CPXM2: variants seen among roughly 807,000 people sequenced by gnomAD.
CPXM2 encodes the protein inactive carboxypeptidase-like protein X2.
Under a neutral mutation model 86.1 loss-of-function variants are expected in CPXM2, and 66 were observed. That is an observed-to-expected ratio of 0.77 (90% CI 0.63 to 0.94). The LOEUF is 0.94. Among genes scored for constraint, CPXM2 ranks in the 40% least tolerant of loss-of-function variants. The pLI is 0.00. For missense variants in CPXM2, 948 were observed against 1,026.3 expected, an observed-to-expected ratio of 0.92 and a Z score of 1.04; for synonymous variants, 388 against 400.2, an observed-to-expected ratio of 0.97 and a Z score of 0.36.
chr10:123,878,506 C>CGTGT (rs200009107), intron 2 of CPXM2, among the ~76,000 whole-genome samples: 9,052 of 134,736 alleles, frequency 0.067, 525 homozygotes, highest in African/African-American at 0.15. Context: ...CAAATTCAGA[C>CGTGT]GTGTGTGTGT....
At chr10:123,818,115 AT>A (rs989124075) in intron 4 of CPXM2, among the ~76,000 whole-genome samples, 46 of 152,306 alleles carry the variant, frequency 3.0e-4, no homozygotes, top group African/African-American at 1.0e-3. Context: ...CTGTGAAGAT[AT>A]TTGTATCCTA....
chr10:123,912,067 C>T (rs563625500), intron 2 of CPXM2, among the ~76,000 whole-genome samples: 4 of 152,148 alleles, frequency 2.6e-5, no homozygotes, highest in Non-Finnish European at 5.9e-5. Flanking sequence ...CTAGACCTCT[C>T]GACTGGGGTT....
Position 123,861,141 on chromosome 10 carries a change from C to A in CPXM2, c.513+1473G>T, listed in dbSNP as rs572740887. Among the ~76,000 whole-genome samples the A allele has an allele frequency of 1.2e-4, 18 of 152,262 alleles. No homozygotes were observed. In the South Asian group the frequency reaches 3.7e-3, roughly 32 times the overall value. On this transcript the variant is annotated intron_variant, in intron 3 of 13. Coordinates refer to ENST00000241305, the MANE Select transcript of CPXM2 (RefSeq NM_198148.3). Reference sequence around the variant, plus strand: ...GCTGCCCCTAGCACATTTACACAGACCGCTGGGGGAGTCAGGGGTCCACTC... The same window carrying A: ...GCTGCCCCTAGCACATTTACACAGAACGCTGGGGGAGTCAGGGGTCCACTC...
intron 2 of CPXM2, among the ~76,000 whole-genome samples, chr10:123,926,318 T>G (rs1049023857): frequency 1.7e-4 from 26 of 152,266 alleles, no homozygotes; most frequent in African/African-American, 6.3e-4. Context: ...ATTTGGATAT[T>G]GCCTCCTCTG....
chr10:123,911,891 G>T (rs765932586), intron 2 of CPXM2, among the ~76,000 whole-genome samples: 1 of 152,060 alleles, frequency 6.6e-6, no homozygotes. Context: ...TGCCTCCTCC[G>T]AAGAAAGAAT....
At chr10:123,817,709 C>T (rs1054039829) in intron 4 of CPXM2, among the ~76,000 whole-genome samples, 3 of 152,228 alleles carry the variant, frequency 2.0e-5, no homozygotes. Context: ...TTCTCTCCCC[C>T]AGACTGCATC....
chr10:123,814,383 C>T (rs1227816475), intron 4 of CPXM2, among the ~76,000 whole-genome samples: 1 of 152,170 alleles, frequency 6.6e-6, no homozygotes, highest in African/African-American at 2.4e-5. Flanking sequence ...CCTCGAATAT[C>T]AGACTCCAAG....
intron 4 of CPXM2, among the ~76,000 whole-genome samples, chr10:123,836,090 C>A (rs1297413756): frequency 2.0e-5 from 3 of 152,140 alleles, no homozygotes; most frequent in Non-Finnish European, 1.5e-5. Flanking sequence ...CTCATCTCCT[C>A]TCCCGACCCT....
At position 123,786,458 on chromosome 10, in the gene CPXM2, G is replaced by T. The variant is rs148851443; in HGVS notation, c.890-6203C>A. Reference sequence around the variant, plus strand: ...AGCTCTGTGGCATCAGGCAGTTCAAGCAGACACTGACCCCATACCTGACGG... The same window carrying T: ...AGCTCTGTGGCATCAGGCAGTTCAATCAGACACTGACCCCATACCTGACGG... On this transcript the variant is annotated intron_variant, in intron 6 of 13. Transcript: ENST00000241305. Among the ~76,000 whole-genome samples the T allele has an allele frequency of 8.5e-5, 13 of 152,314 alleles. No homozygotes were observed. In the East Asian group the frequency reaches 1.2e-3, roughly 14 times the overall value.
chr10:123,753,980 G>T (rs926213249), intron 13 of CPXM2, among the ~76,000 whole-genome samples: 2 of 152,212 alleles, frequency 1.3e-5, no homozygotes, highest in South Asian at 2.1e-4. Context: ...TACAATTTAT[G>T]TGAGGAATGA....
At chr10:123,830,872 C>CTCTCTCTGTGTGTGTGTGTGTGTG (rs1258897184) in intron 4 of CPXM2, among the ~76,000 whole-genome samples, 78 of 142,798 alleles carry the variant, frequency 5.5e-4, no homozygotes, top group African/African-American at 1.9e-3. Flanking sequence ...CTCTCTCTCT[C>CTCTCTCTGTGTGTGTGTGTGTGTG]TGTGTGTGTG....
chr10:123,873,409 G>C (rs139509875), intron 2 of CPXM2, among the ~76,000 whole-genome samples: 203 of 152,314 alleles, frequency 1.3e-3, no homozygotes, highest in Non-Finnish European at 2.5e-3. Flanking sequence ...TGGATTAGAA[G>C]TCAATGTTGT....
chr10:123,886,076 G>C (rs1945173796), intron 1 of CPXM2, among the ~76,000 whole-genome samples: 1 of 152,210 alleles, frequency 6.6e-6, no homozygotes, highest in Non-Finnish European at 1.5e-5. Context: ...GTCTTAGAAA[G>C]CTGCTTGCTA....
chr10:123,751,777 C>T, intron 13 of CPXM2: 2 of 985,384 alleles, frequency 2.0e-6, no homozygotes, highest in Non-Finnish European at 2.4e-6. Context: ...TTCTTGAGAA[C>T]CGAAAGATTC....
intron 2 of CPXM2, among the ~76,000 whole-genome samples, chr10:123,933,505 G>T (rs1945686179): frequency 6.6e-6 from 1 of 152,170 alleles, no homozygotes; most frequent in Non-Finnish European, 1.5e-5. Context: ...GTCACTTGAG[G>T]TCAGGAGTTT....
At chr10:123,750,523 T>C (rs933988883) in intron 13 of CPXM2, 2 of 985,350 alleles carry the variant, frequency 2.0e-6, no homozygotes, top group Non-Finnish European at 2.4e-6. Flanking sequence ...TCCCACCTAT[T>C]TGTAAATATC....
chr10:123,925,904 G>A (rs1021391559), intron 2 of CPXM2, among the ~76,000 whole-genome samples: 1 of 152,098 alleles, frequency 6.6e-6, no homozygotes, highest in Non-Finnish European at 1.5e-5. Context: ...CAAAAATTAG[G>A]GTCCAAGATC....
intron 2 of CPXM2, among the ~76,000 whole-genome samples, chr10:123,938,281 GA>G (rs1475553187): frequency 3.3e-5 from 5 of 152,278 alleles, no homozygotes; most frequent in African/African-American, 1.2e-4. Context: ...TGCAATCTGG[GA>G]TCACACTGAG....
intron 4 of CPXM2, among the ~76,000 whole-genome samples, chr10:123,799,908 C>G (rs1319481098): frequency 6.6e-6 from 1 of 151,954 alleles, no homozygotes; most frequent in East Asian, 1.9e-4. Context: ...ATCTTTTTTT[C>G]TCTCTGCCTC....
Sources: allele counts gnomAD v4.1 joint callset (sites outside exome capture counted in the v4.1 genomes callset), GRCh38; gene constraint gnomAD v4.1.1; transcripts MANE v1.5; gene names NCBI Gene and HGNC (gene_info 2026-07-23, HGNC 2026-07-21).